The following CNIH3 variants were observed in gnomAD, a reference collection of about 807,000 sequenced individuals.
CNIH3 encodes the protein cornichon family AMPA receptor auxiliary protein 3, also known as protein cornichon homolog 3.
A neutral mutation model predicts 24.1 loss-of-function variants in CNIH3; 14 were observed. The ratio of observed to expected loss-of-function variants is 0.58; its 90% CI spans 0.38 to 0.91. The LOEUF (loss-of-function observed/expected upper bound fraction) is 0.91. Among genes scored for constraint, CNIH3 ranks in the 40% least tolerant of loss-of-function variants. The pLI, the probability that CNIH3 is intolerant of heterozygous loss-of-function variation, is 0.00. For missense variants in CNIH3, 178 were observed against 196.8 expected (o/e 0.90, Z 0.57); for synonymous variants, 68 against 73.8 (o/e 0.92, Z 0.40).
chr1:224,445,574 TAA>T (rs369951294), intron 1 of CNIH3, among the ~76,000 whole-genome samples: 47 of 90,404 alleles, frequency 5.2e-4, no homozygotes, highest in Middle Eastern at 0.012. Context: ...GGACTCTGCT[TAA>T]AAAAAAAAAA....
At chr1:224,731,191 A>G (rs1026878034) in intron 4 of CNIH3, among the ~76,000 whole-genome samples, 1 of 152,202 alleles carries the variant, frequency 6.6e-6, no homozygotes, top group Non-Finnish European at 1.5e-5. Flanking sequence ...TGATGGTTGC[A>G]CAACTCTATG....
intron 1 of CNIH3, among the ~76,000 whole-genome samples, chr1:224,457,847 A>G (rs1262303917): frequency 1.3e-5 from 2 of 152,236 alleles, no homozygotes; most frequent in African/African-American, 4.8e-5. Flanking sequence ...TGAATGATCT[A>G]TAAGTAAAAT....
At chr1:224,575,792 T>C (rs1177529337) in intron 4 of CNIH3, among the ~76,000 whole-genome samples, 1 of 152,172 alleles carries the variant, frequency 6.6e-6, no homozygotes, top group African/African-American at 2.4e-5. Context: ...CGAAGATCTA[T>C]AAATATGTAG....
intron 1 of CNIH3, 35 bp downstream of exon 1, chr1:224,617,290 C>G: frequency 1.2e-6 from 2 of 1,602,216 alleles, no homozygotes; most frequent in Non-Finnish European, 1.7e-6. Flanking sequence ...TTCTTTCGCC[C>G]CAATTTCGCT....
chr1:224,703,392 A>C lies in CNIH3; in HGVS notation c.198+18549A>C, dbSNP rs1411521501. On this transcript the variant is annotated intron_variant, in intron 3 of 5. Transcript: ENST00000272133. The surrounding 1 kb of genome is among the most constrained non-coding windows in gnomAD (Gnocchi z 4.2). ...GAATCACCTGGGGGAAATTTTAAAA[A>C]TCCTGATGCCCAGAATTCATCCCAA... 1.3e-5 allele frequency among the ~76,000 whole-genome samples: 2 copies of C among 151,856 alleles called. No individual in the cohort carries two copies. The highest frequency in any genetic ancestry group is 2.4e-5 in the African/African-American group (1 of 41,134).
At chr1:224,460,646 AT>A (rs1456689224) in intron 1 of CNIH3, among the ~76,000 whole-genome samples, 1 of 152,228 alleles carries the variant, frequency 6.6e-6, no homozygotes, top group Non-Finnish European at 1.5e-5. Context: ...GTCGATGGAC[AT>A]TTGGATCACT....
chr1:224,454,978 G>A (rs1039295832), intron 1 of CNIH3, among the ~76,000 whole-genome samples: 1 of 152,122 alleles, frequency 6.6e-6, no homozygotes, highest in Non-Finnish European at 1.5e-5. Context: ...CAGTAGGTTT[G>A]TATCTCAATA....
chr1:224,562,349 G>A (rs1203966271), intron 3 of CNIH3, among the ~76,000 whole-genome samples: 1 of 152,110 alleles, frequency 6.6e-6, no homozygotes, highest in Non-Finnish European at 1.5e-5. Context: ...ACTCAGGTTA[G>A]GCCATCTCCA....
downstream of CNIH3, among the ~76,000 whole-genome samples, chr1:224,540,952 G>A (rs1679489379): frequency 6.6e-6 from 1 of 152,136 alleles, no homozygotes; most frequent in Non-Finnish European, 1.5e-5. Flanking sequence ...CTTGAAGATA[G>A]AACGCATTTT....
downstream of CNIH3, among the ~76,000 whole-genome samples, chr1:224,538,830 ATTTTTTTTTT>A (rs71574506): frequency 1.6e-5 from 2 of 124,232 alleles, no homozygotes; most frequent in Middle Eastern, 4.3e-3. Context: ...AGCTAATTAC[ATTTTTTTTTT>A]TTTTTTTTTT....
chr1:224,716,856 T>A (rs1340903988), intron 3 of CNIH3, among the ~76,000 whole-genome samples: 1 of 152,276 alleles, frequency 6.6e-6, no homozygotes, highest in Admixed American at 6.5e-5. Context: ...GGAAGTGCTG[T>A]CTTCTGGCAG....
intron 1 of CNIH3, among the ~76,000 whole-genome samples, chr1:224,676,881 A>G (rs1686165745): frequency 6.6e-6 from 1 of 152,206 alleles, no homozygotes; most frequent in South Asian, 2.1e-4. Context: ...AGTGGGGGGT[A>G]GCCTAACCCC....
At chr1:224,580,371 T>C (rs1364344881) in intron 4 of CNIH3, among the ~76,000 whole-genome samples, 2 of 152,212 alleles carry the variant, frequency 1.3e-5, no homozygotes, top group African/African-American at 2.4e-5. Flanking sequence ...AGGTTTATTT[T>C]GCCAAGGTTG....
chr1:224,644,314 A>C (rs1684496473), intron 1 of CNIH3, among the ~76,000 whole-genome samples: 1 of 152,102 alleles, frequency 6.6e-6, no homozygotes, highest in Non-Finnish European at 1.5e-5. Context: ...GGGCTTTAGC[A>C]ATCCTCCTAC....
chr1:224,487,332 C>T (rs1466479114), intron 1 of CNIH3, among the ~76,000 whole-genome samples: 1 of 152,176 alleles, frequency 6.6e-6, no homozygotes, highest in Non-Finnish European at 1.5e-5. Context: ...AGTTTGTAAA[C>T]AGATGGAGAG....
chr1:224,738,595 T>C (rs1473715245), intron 5 of CNIH3, among the ~76,000 whole-genome samples: 6 of 152,246 alleles, frequency 3.9e-5, no homozygotes, highest in Non-Finnish European at 7.3e-5. Context: ...AAAAGATAGT[T>C]GGTTTCTTTT....
At position 224,625,147 on chromosome 1, in the gene CNIH3, A is replaced by C. The variant is rs542422353; in HGVS notation, c.81+7892A>C. Among the ~76,000 whole-genome samples, 176 of 152,270 alleles carry C rather than the reference A, an allele frequency of 1.2e-3. 1 individual carries two copies. The highest frequency in any genetic ancestry group is 4.0e-3 in the African/African-American group (165 of 41,556). On this transcript the variant is annotated intron_variant, in intron 1 of 5. Coordinates refer to ENST00000272133, the MANE Select transcript of CNIH3 (RefSeq NM_152495.2). ...GGGAACTCAGTGATTGCCAATAAATAAGGATCTGGATAATTTATTACAGCC... is the reference window on the plus strand; with the variant it reads ...GGGAACTCAGTGATTGCCAATAAATCAGGATCTGGATAATTTATTACAGCC...
chr1:224,683,253 G>A (rs1469883571), intron 2 of CNIH3, among the ~76,000 whole-genome samples: 1 of 152,122 alleles, frequency 6.6e-6, no homozygotes. Context: ...GCCCTATGAA[G>A]CTCATGGACA....
At chr1:224,509,525 AC>A (rs1012998243) in intron 1 of CNIH3, among the ~76,000 whole-genome samples, 1 of 151,588 alleles carries the variant, frequency 6.6e-6, no homozygotes, top group Non-Finnish European at 1.5e-5. Context: ...TCCCTGGCCC[AC>A]CCTCCTTGCC....
Sources: allele counts gnomAD v4.1 joint callset (sites outside exome capture counted in the v4.1 genomes callset), GRCh38; gene constraint gnomAD v4.1.1; non-coding constraint Gnocchi (gnomAD v3.1); transcripts MANE v1.5; gene names NCBI Gene and HGNC (gene_info 2026-07-23, HGNC 2026-07-21).